The following PCDH9 variants were observed in gnomAD, a reference collection of about 807,000 sequenced individuals.
The protein encoded by PCDH9 is protocadherin 9, also known as protocadherin-9.
PCDH9 carries 24 observed loss-of-function variants against 70.6 expected under a neutral mutation model. The observed-to-expected ratio is 0.34, with a 90% CI of 0.25 to 0.48. The LOEUF (loss-of-function observed/expected upper bound fraction) is 0.48. Ranked by LOEUF, PCDH9 falls within the 20% of genes least tolerant of loss-of-function variation. The pLI is 0.99. For missense variants in PCDH9, 1,281 were observed against 1,503.6 expected (o/e 0.85, Z 2.45); for synonymous variants, 562 against 558.5 (o/e 1.01, Z -0.09).
chr13:66,870,919 C>T (rs1371057664), intron 3 of PCDH9, among the ~76,000 whole-genome samples: 1 of 152,094 alleles, frequency 6.6e-6, no homozygotes, highest in African/African-American at 2.4e-5. Flanking sequence ...AATCATGCTG[C>T]TATAAAGACA....
At chr13:66,827,429 A>C (rs905857530) in intron 3 of PCDH9, among the ~76,000 whole-genome samples, 5 of 151,900 alleles carry the variant, frequency 3.3e-5, no homozygotes, top group Admixed American at 2.6e-4. Flanking sequence ...TTGAGGCACT[A>C]TAGAAGGATA....
chr13:66,688,826 CTGT>C (rs1480826506), intron 3 of PCDH9, among the ~76,000 whole-genome samples: 1 of 152,082 alleles, frequency 6.6e-6, no homozygotes, highest in Non-Finnish European at 1.5e-5. Context: ...CCGAACACCC[CTGT>C]TGTTATATAT....
intron 3 of PCDH9, among the ~76,000 whole-genome samples, chr13:66,640,101 G>T (rs577490618): frequency 3.7e-4 from 56 of 152,184 alleles, no homozygotes; most frequent in African/African-American, 1.3e-3. Context: ...ATACATGATG[G>T]CTGTAGCAAT....
rs562838557 is a variant in PCDH9, at chr13:66,502,018, G to A, written c.3340+129192C>T. Among the ~76,000 whole-genome samples the A allele has an allele frequency of 4.6e-5, 7 of 152,164 alleles. No individual in the cohort carries two copies. In the South Asian group the frequency reaches 1.5e-3, roughly 32 times the overall value. On this transcript the variant is annotated intron_variant, in intron 4 of 4. Transcript: ENST00000377865. ...TGATGTGAAGGCTTAGTTTAACAAAGGTGAGAAACAGATGCATTTTTGCAA... is the reference window on the plus strand; with the variant it reads ...TGATGTGAAGGCTTAGTTTAACAAAAGTGAGAAACAGATGCATTTTTGCAA...
intron 4 of PCDH9, among the ~76,000 whole-genome samples, chr13:66,597,749 G>T (rs112965075): frequency 0.16 from 24,579 of 151,604 alleles, 2,170 homozygotes; most frequent in Middle Eastern, 0.23. Context: ...CAAACTAAAA[G>T]GCATCTGTTG....
At chr13:66,529,352 T>A (rs1960345453) in intron 4 of PCDH9, among the ~76,000 whole-genome samples, 1 of 152,090 alleles carries the variant, frequency 6.6e-6, no homozygotes, top group African/African-American at 2.4e-5. Flanking sequence ...TTTATACCAA[T>A]AATAGTACTA....
At chr13:66,879,190 T>A (rs2081877302) in intron 3 of PCDH9, among the ~76,000 whole-genome samples, 1 of 152,188 alleles carries the variant, frequency 6.6e-6, no homozygotes. Flanking sequence ...TCTATATATA[T>A]GCACAATTAT....
At chr13:66,510,953 A>G (rs1156670129) in intron 4 of PCDH9, among the ~76,000 whole-genome samples, 1 of 152,192 alleles carries the variant, frequency 6.6e-6, no homozygotes, top group Non-Finnish European at 1.5e-5. Context: ...AGTTAGGTGT[A>G]AACAACTAGG....
intron 2 of PCDH9, among the ~76,000 whole-genome samples, chr13:67,132,855 T>A (rs2087139691): frequency 6.6e-6 from 1 of 152,128 alleles, no homozygotes; most frequent in South Asian, 2.1e-4. Flanking sequence ...TACTTCTAGC[T>A]AAAACTCTTA....
At position 66,807,761 on chromosome 13, in the gene PCDH9, C is replaced by T. The variant is rs184290098; in HGVS notation, c.3138+95743G>A. On this transcript the variant is annotated intron_variant, in intron 3 of 4. Transcript: ENST00000377865. ...ATGTCAGGCCCTTAGAATTTTTAAT[C>T]CTTTGTGTTATATAAAGTACAATGT... Among the ~76,000 whole-genome samples, 1,216 of 152,052 alleles carry T rather than the reference C, an allele frequency of 8.0e-3. 15 individuals carry two copies. Among genetic ancestry groups the T allele is most frequent in the African/African-American group, 0.027 (1,137 of 41,462 alleles).
intron 4 of PCDH9, among the ~76,000 whole-genome samples, chr13:66,532,888 A>G (rs1960529955): frequency 6.6e-6 from 1 of 152,190 alleles, no homozygotes; most frequent in Non-Finnish European, 1.5e-5. Context: ...ATTTCAGACT[A>G]GGTGACAACA....
intron 2 of PCDH9, among the ~76,000 whole-genome samples, chr13:67,048,192 G>A (rs992293307): frequency 4.6e-5 from 7 of 152,128 alleles, no homozygotes; most frequent in Non-Finnish European, 1.0e-4. Context: ...TCTTCTTAGA[G>A]CCTAACATGA....
chr13:66,356,681 A>C (rs1956389349), intron 4 of PCDH9, among the ~76,000 whole-genome samples: 1 of 152,166 alleles, frequency 6.6e-6, no homozygotes, highest in Non-Finnish European at 1.5e-5. Context: ...CAACTGCATC[A>C]GATTCAGAGT....
At chr13:66,801,398 A>T (rs1176219041) in intron 3 of PCDH9, among the ~76,000 whole-genome samples, 1 of 152,136 alleles carries the variant, frequency 6.6e-6, no homozygotes, top group Non-Finnish European at 1.5e-5. Context: ...TCAAATGCTC[A>T]TTGAGACTGA....
chr13:66,947,445 G>A (rs569595339), intron 2 of PCDH9, among the ~76,000 whole-genome samples: 1 of 152,152 alleles, frequency 6.6e-6, no homozygotes, highest in East Asian at 1.9e-4. Flanking sequence ...CTTATTATGA[G>A]TGTAATGACA....
At chr13:66,591,718 C>T (rs907011971) in intron 4 of PCDH9, among the ~76,000 whole-genome samples, 1 of 151,202 alleles carries the variant, frequency 6.6e-6, no homozygotes, top group African/African-American at 2.4e-5. Context: ...TAAAAAAAAC[C>T]TCTGCAATGC....
At chr13:66,527,484 T>A (rs1180958482) in intron 4 of PCDH9, among the ~76,000 whole-genome samples, 1 of 152,110 alleles carries the variant, frequency 6.6e-6, no homozygotes, top group Non-Finnish European at 1.5e-5. Context: ...GTAATACCAT[T>A]AAGGTCCTTA....
intron 4 of PCDH9, among the ~76,000 whole-genome samples, chr13:66,512,462 G>C (rs1400454333): frequency 6.6e-6 from 1 of 151,972 alleles, no homozygotes; most frequent in East Asian, 1.9e-4. Context: ...ATAAGGATAG[G>C]TTCTGATAGT....
intron 3 of PCDH9, among the ~76,000 whole-genome samples, chr13:66,789,173 A>T (rs555432797): frequency 2.6e-4 from 40 of 152,246 alleles, no homozygotes; most frequent in Middle Eastern, 6.8e-3. Context: ...CAAAATCTCT[A>T]TGGATTATGG....
Sources: gnomAD v4.1 joint callset for allele counts (sites outside exome capture counted in the v4.1 genomes callset) on GRCh38, gnomAD v4.1.1 for gene constraint, MANE v1.5 for transcripts, NCBI Gene and HGNC (gene_info 2026-07-23, HGNC 2026-07-21) for gene names.